Variants in RHBDD1 observed in about 807,000 individuals in gnomAD.
The protein encoded by RHBDD1 is rhomboid-related protein 4.
In RHBDD1, 38 loss-of-function variants were observed where a neutral mutation model predicts 36.3. The ratio of observed to expected loss-of-function variants is 1.05; its 90% confidence interval spans 0.81 to 1.37. The LOEUF (loss-of-function observed/expected upper bound fraction) is 1.37. Among genes scored for constraint, RHBDD1 ranks in the 40% most tolerant of loss-of-function variants. RHBDD1 has a pLI of 0.00. For synonymous variants in RHBDD1, 151 were observed against 136.5 expected (o/e 1.11, Z -0.74); for missense variants, 393 against 377.6 (o/e 1.04, Z -0.34).
At position 226,865,073 on chromosome 2, in the gene RHBDD1, C is replaced by T. The variant is rs1181512251; in HGVS notation, c.380C>T (p.Ala127Val). 47 of 1,613,936 alleles carry T rather than the reference C, an allele frequency of 2.9e-5. No homozygotes were observed. The highest frequency in any genetic ancestry group is 4.0e-5 in the Non-Finnish European group (47 of 1,180,008). The change falls in exon 4 of 9, where the codon GCC becomes GTC. Residue 127 changes from alanine (A) to valine (V), a missense_variant. Physicochemically the swap from Ala to Val is moderately conservative, Grantham distance 64. Transcript: ENST00000392062. ...VVYLLLQFAV[A>V]EFMDEPDFKR... ...TACCTGCTCTTGCAATTTGCTGTTG[C>T]CGAATTTATGGATGAACCTGACTTC...
intron 8 of RHBDD1, among the ~76,000 whole-genome samples, chr2:226,977,651 A>T (rs530726148): frequency 1.3e-5 from 2 of 152,324 alleles, no homozygotes; most frequent in East Asian, 3.9e-4. Context: ...ATCCGAGGTA[A>T]ATAAAAGTAA....
At position 226,995,446 on chromosome 2, in the gene RHBDD1, G is replaced by C. The variant is rs759396217; in HGVS notation, c.872G>C (p.Ser291Thr). 1 of 1,611,798 alleles carries C rather than the reference G, an allele frequency of 6.2e-7. No homozygotes were observed. Among genetic ancestry groups the C allele is most frequent in the South Asian group, 1.1e-5 (1 of 90,732 alleles). Residue 291 changes from serine (S) to threonine (T), a missense_variant, in exon 9 of 9, where the codon AGC becomes ACC. Transcript: ENST00000392062. ...SLWDRGNTRNSPPPYGFHLSP... is the reference protein window; with the variant it reads ...SLWDRGNTRNTPPPYGFHLSP... ...CTCACTACAGGAAATACCAGAAATA[G>C]CCCACCACCCTACGGGTTTCATCTC...
intron 8 of RHBDD1, among the ~76,000 whole-genome samples, chr2:226,930,777 G>A (rs1229769603): frequency 4.6e-5 from 7 of 150,836 alleles, no homozygotes; most frequent in African/African-American, 4.9e-5. Flanking sequence ...CAATGAATTC[G>A]AACAAATCAA....
chr2:226,890,351 A>G (rs1946582471), intron 5 of RHBDD1, among the ~76,000 whole-genome samples: 3 of 152,334 alleles, frequency 2.0e-5, no homozygotes, highest in Admixed American at 6.5e-5. Context: ...TAATTCTTAC[A>G]ATATTTTTAT....
the RHBDD1 span, chr2:226,810,776 T>G: frequency 6.6e-6 from 1 of 152,104 alleles, no homozygotes; most frequent in Non-Finnish European, 1.5e-5. Context: ...AAACCCCTGT[T>G]GTTCAAGGGC....
intron 5 of RHBDD1, among the ~76,000 whole-genome samples, chr2:226,876,150 T>A (rs1216252547): frequency 6.6e-6 from 1 of 152,202 alleles, no homozygotes; most frequent in Non-Finnish European, 1.5e-5. Context: ...ATTTAGGCCA[T>A]GCTTGTAGTC....
intron 8 of RHBDD1, among the ~76,000 whole-genome samples, chr2:226,963,318 A>T (rs1952365092): frequency 6.6e-6 from 1 of 152,184 alleles, no homozygotes; most frequent in South Asian, 2.1e-4. Flanking sequence ...ATATTCCTTG[A>T]ATTACAATAC....
chr2:226,893,473 T>C (rs980595221), intron 5 of RHBDD1, among the ~76,000 whole-genome samples: 2 of 152,210 alleles, frequency 1.3e-5, no homozygotes, highest in Non-Finnish European at 2.9e-5. Flanking sequence ...CAACTCCCCA[T>C]GTGCATTTCA....
rs1030282056 is a variant in RHBDD1 at position 226,997,352 on chromosome 2, C to A, written c.*1830C>A. The stretch of plus-strand genomic sequence containing the variant: ...TTAGAAGTAACTTCTTTGTTTCATG[C>A]CACTTTTATAGCATTTGGTAATTCT... On this transcript the variant is annotated 3_prime_UTR_variant, in exon 9 of 9. Transcript: ENST00000392062. 3.4e-4 allele frequency: 52 copies of A among 152,318 alleles called. No homozygotes were observed. Among genetic ancestry groups the A allele is most frequent in the African/African-American group, 1.2e-3 (51 of 41,560 alleles). The allele number at this position is 152,318 out of a possible 1,614,324, so 9.4% of individuals were successfully genotyped here. A position where few individuals can be genotyped will look rare whatever the true frequency, so the allele number is the denominator to read the frequency against.
chr2:226,956,559 C>T (rs1016471549), intron 8 of RHBDD1, among the ~76,000 whole-genome samples: 2 of 152,052 alleles, frequency 1.3e-5, no homozygotes, highest in African/African-American at 4.8e-5. Flanking sequence ...TGTGAGTGTT[C>T]GTCTATGTTT....
rs145957679 is a variant in RHBDD1 at position 226,908,823 on chromosome 2, C to T, written c.657C>T (p.Gly219=). Reference sequence around the variant, plus strand: ...AATGTTTATTTCTTTTACGTTTAGGCGGTTTTTCCTCCAGTGTTGGTTACC... The same window carrying T: ...AATGTTTATTTCTTTTACGTTTAGGTGGTTTTTCCTCCAGTGTTGGTTACC... ...PLKKIMEACA[G]GFSSSVGYPG... The change falls in exon 7 of 9, where the codon GGC becomes GGT. Residue 219 remains glycine, a splice_region_variant and synonymous_variant. Transcript: ENST00000392062. 108 of 1,601,932 alleles carry T rather than the reference C, an allele frequency of 6.7e-5. No homozygotes were observed. Among genetic ancestry groups the T allele is most frequent in the Middle Eastern group, 1.7e-4 (1 of 6,050 alleles).
the RHBDD1 span, among the ~76,000 whole-genome samples, chr2:226,801,592 T>G: frequency 6.6e-6 from 1 of 152,152 alleles, no homozygotes; most frequent in Non-Finnish European, 1.5e-5. Context: ...GTACACATGT[T>G]GAATTGAAAG....
rs371210234 is a variant in RHBDD1 at position 226,914,210 on chromosome 2, A to G, written c.715A>G (p.Ser239Gly). 1 of 1,613,498 alleles carries G rather than the reference A, an allele frequency of 6.2e-7. No individual in the cohort carries two copies. The highest frequency in any genetic ancestry group is 1.3e-5 in the African/African-American group (1 of 75,004). The change falls in exon 8 of 9, where the codon AGC (serine) becomes GGC (glycine). Residue 239 changes from serine to glycine, a missense_variant and splice_region_variant. By Grantham distance (56) the Ser-to-Gly change is moderately conservative. Coordinates refer to ENST00000392062, the MANE Select transcript of RHBDD1 (RefSeq NM_001167608.3). ...GRQYYFNSSG[S>G]SGYQDYYPHG... ...GAACCTTTTCCTTGTGCCTTTAGGC[A>G]GCTCTGGATATCAGGATTATTATCC...
At chr2:226,916,508 C>G (rs1350251044) in intron 8 of RHBDD1, among the ~76,000 whole-genome samples, 2 of 152,158 alleles carry the variant, frequency 1.3e-5, no homozygotes, top group East Asian at 1.9e-4. Flanking sequence ...TCAGCGTGGA[C>G]TTCATACAGC....
intron 5 of RHBDD1, among the ~76,000 whole-genome samples, chr2:226,888,031 G>T (rs1946378004): frequency 6.6e-6 from 1 of 152,166 alleles, no homozygotes; most frequent in Non-Finnish European, 1.5e-5. Flanking sequence ...ACTCAGGGTG[G>T]CCTCCTTCCC....
intron 3 of RHBDD1, among the ~76,000 whole-genome samples, chr2:226,863,352 A>G (rs1020188518): frequency 1.3e-5 from 2 of 152,192 alleles, no homozygotes; most frequent in Admixed American, 6.5e-5. Flanking sequence ...ATAAATAAAT[A>G]CATTCATTCA....
chr2:226,867,864 G>A lies in RHBDD1; in HGVS notation c.566+546G>A, dbSNP rs867172140. ...CTCCCAAGTAGCTGGGATTACAGGC[G>A]TGTGCCACCACACCTGGCTAATTTT... On this transcript the variant is annotated intron_variant, in intron 5 of 8. Transcript: ENST00000392062. 1.3e-4 allele frequency among the ~76,000 whole-genome samples: 20 copies of A among 152,020 alleles called. No individual in the cohort carries two copies. The South Asian group carries it at 1.9e-3, about 14-fold the overall frequency.
chr2:226,820,755 C>T, the RHBDD1 span, among the ~76,000 whole-genome samples: 9 of 151,530 alleles, frequency 5.9e-5, no homozygotes, highest in South Asian at 2.1e-4. Context: ...CTGGAGTTTA[C>T]GCCACTGCAC....
chr2:226,988,050 G>C (rs1298563685), intron 8 of RHBDD1, among the ~76,000 whole-genome samples: 1 of 152,208 alleles, frequency 6.6e-6, no homozygotes, highest in African/African-American at 2.4e-5. Context: ...CTCTTAGGAT[G>C]AAAGTCATAG....
Sources: allele counts gnomAD v4.1 joint callset (sites outside exome capture counted in the v4.1 genomes callset), GRCh38; gene constraint gnomAD v4.1.1; transcripts MANE v1.5; gene names NCBI Gene and HGNC (gene_info 2026-07-23, HGNC 2026-07-21).